Variants in TDP1 observed in about 807,000 individuals in gnomAD.
The protein encoded by TDP1 is tyr-DNA phosphodiesterase 1.
TDP1 carries 64 observed loss-of-function variants against 81.5 expected under a neutral mutation model. That is an observed-to-expected ratio of 0.79 (90% confidence interval 0.64 to 0.97). The LOEUF is 0.97. Among genes scored for constraint, TDP1 ranks in the 50% least tolerant of loss-of-function variants. The pLI, the probability that TDP1 is intolerant of heterozygous loss-of-function variation, is 0.00. For missense variants in TDP1, 723 were observed against 743.8 expected (o/e 0.97, Z 0.33); for synonymous variants, 256 against 264.3 (o/e 0.97, Z 0.30).
chr14:89,958,711 C>T lies in TDP1; in HGVS notation c.-8+1911C>T, dbSNP rs142124782. 1.2e-3 allele frequency among the ~76,000 whole-genome samples: 177 copies of T among 152,268 alleles called. 1 individual carries two copies. The highest frequency in any genetic ancestry group is 3.6e-3 in the African/African-American group (151 of 41,556). ...GGGAAGAGGGGTTATCAATCCGGTC[C>T]GTGGATTTACCCAACACTTGTAGCT... is the stretch of plus-strand genomic sequence containing the variant. On this transcript the variant is annotated intron_variant, in intron 2 of 16. Coordinates refer to ENST00000335725, the MANE Select transcript of TDP1 (RefSeq NM_018319.4).
rs1408349393 is a variant in TDP1, at chr14:89,963,130, G to A, written c.16G>A (p.Asp6Asn). 9.3e-6 allele frequency: 15 copies of A among 1,613,968 alleles called. No individual in the cohort carries two copies. Among genetic ancestry groups the A allele is most frequent in the Middle Eastern group, 1.6e-4 (1 of 6,084 alleles). Residue 6 changes from aspartate to asparagine, a missense_variant, in exon 3 of 17, where the codon GAT becomes AAT. Transcript: ENST00000335725. ...CAGGAGTATAATGTCTCAGGAAGGC[G>A]ATTATGGGAGGTGGACCATATCTAG... The part of the protein sequence containing the change: MSQEG[D>N]YGRWTISSSD...
chr14:89,964,812 A>G (rs1320627501), intron 3 of TDP1: 5 of 423,226 alleles, frequency 1.2e-5, no homozygotes, highest in South Asian at 8.6e-5. Flanking sequence ...TGGTAACATG[A>G]TAGGAGCTCT....
chr14:90,036,828 AAGAT>A (rs1421878063), intron 16 of TDP1, among the ~76,000 whole-genome samples: 2 of 151,308 alleles, frequency 1.3e-5, no homozygotes, highest in Non-Finnish European at 2.9e-5. Context: ...AAAAAAAAAA[AAGAT>A]AGGGTCTCGC....
chr14:89,989,080 C>T lies in TDP1; in HGVS notation c.1307C>T (p.Pro436Leu). Reference protein sequence around the residue: ...ESKTPGKSSVPLYLIYPSVEN... With the variant: ...ESKTPGKSSVLLYLIYPSVEN... ...AAGACTCCAGGAAAAAGCTCTGTTC[C>T]TCTTTACTTGGTGAGTTCTCGTCCT... Residue 436 changes from proline (P) to leucine (L), a missense_variant, in exon 11 of 17, where the codon CCT becomes CTT. By Grantham distance (98) the Pro-to-Leu change is moderately conservative. Transcript: ENST00000335725. 1 of 1,613,860 alleles carries T rather than the reference C, an allele frequency of 6.2e-7. No individual in the cohort carries two copies. Among genetic ancestry groups the T allele is most frequent in the Non-Finnish European group, 8.5e-7 (1 of 1,179,868 alleles).
chr14:89,977,532 A>G (rs1464859881), intron 7 of TDP1, among the ~76,000 whole-genome samples: 3 of 152,180 alleles, frequency 2.0e-5, no homozygotes, highest in South Asian at 2.1e-4. Flanking sequence ...TCCTGACCTC[A>G]GGTGATCCAC....
At chr14:89,985,711 C>CTT (rs1895479839) in intron 10 of TDP1, among the ~76,000 whole-genome samples, 1 of 152,142 alleles carries the variant, frequency 6.6e-6, no homozygotes, top group African/African-American at 2.4e-5. Context: ...TTTTTCATCT[C>CTT]TTTTTAGGTG....
chr14:90,027,145 C>A (rs546120506), intron 15 of TDP1, among the ~76,000 whole-genome samples: 1 of 152,008 alleles, frequency 6.6e-6, no homozygotes, highest in East Asian at 1.9e-4. Flanking sequence ...TTTTAATGAT[C>A]GCCATTCTAA....
intron 7 of TDP1, among the ~76,000 whole-genome samples, chr14:89,978,915 T>C (rs1000208133): frequency 3.3e-5 from 5 of 152,338 alleles, no homozygotes; most frequent in African/African-American, 1.2e-4. Flanking sequence ...TAATTTCTCG[T>C]TTTGGCAAGA....
Position 89,989,025 on chromosome 14 carries a change from G to A in TDP1, c.1252G>A (p.Glu418Lys), listed in dbSNP as rs759300952. 2.7e-5 allele frequency: 43 copies of A among 1,614,136 alleles called. No individual in the cohort carries two copies. In the Middle Eastern group the frequency reaches 8.3e-4, roughly 31 times the overall value. ...ESKWLCSEFK[E>K]SMLTLGKESK... Reference sequence around the variant, plus strand: ...AAAGTGGTTATGTTCTGAGTTTAAAGAGAGCATGCTGACACTGGGGAAGGA... The same window carrying A: ...AAAGTGGTTATGTTCTGAGTTTAAAAAGAGCATGCTGACACTGGGGAAGGA... The change falls in exon 11 of 17, where the codon GAG becomes AAG. Residue 418 changes from glutamate to lysine, a missense_variant. Physicochemically the swap from Glu to Lys is moderately conservative, Grantham distance 56 (BLOSUM62 1). Coordinates refer to ENST00000335725, the MANE Select transcript of TDP1 (RefSeq NM_018319.4).
intron 14 of TDP1, among the ~76,000 whole-genome samples, chr14:90,001,195 T>C (rs1254672612): frequency 6.6e-6 from 1 of 152,218 alleles, no homozygotes; most frequent in Non-Finnish European, 1.5e-5. Flanking sequence ...CTACAGAAGG[T>C]CAGGAATTGG....
At chr14:89,966,386 A>G (rs1191972488) in intron 4 of TDP1, among the ~76,000 whole-genome samples, 196 bp downstream of exon 4, 4 of 152,214 alleles carry the variant, frequency 2.6e-5, no homozygotes, top group African/African-American at 4.8e-5. Flanking sequence ...GGATGTCACT[A>G]TCAGGAGAGC....
intron 8 of TDP1, chr14:89,983,369 G>C (rs1437165283): frequency 1.3e-5 from 3 of 231,850 alleles, no homozygotes; most frequent in Non-Finnish European, 2.6e-5. Flanking sequence ...CCCAGGGTGG[G>C]AAGCAGGGGT....
At chr14:90,041,594 A>AT (rs1888359470) in intron 16 of TDP1, among the ~76,000 whole-genome samples, 1 of 152,216 alleles carries the variant, frequency 6.6e-6, no homozygotes, top group African/African-American at 2.4e-5. Context: ...AGAAAGGGAA[A>AT]GGTTGCCCCA....
At position 89,980,640 on chromosome 14, in the gene TDP1, G is replaced by A. The variant is rs1894868138; in HGVS notation, c.884+8G>A. On this transcript the variant is annotated splice_region_variant and intron_variant, in intron 8 of 16. Transcript: ENST00000335725. ...GCACCAGAAAACTCAAGGGTTCGTAGGGGCCTGCTCACTTCCTGGCAGTGT... is the reference window on the plus strand; with the variant it reads ...GCACCAGAAAACTCAAGGGTTCGTAAGGGCCTGCTCACTTCCTGGCAGTGT... 3 of 1,611,818 alleles carry A rather than the reference G, an allele frequency of 1.9e-6. No individual in the cohort carries two copies. Among genetic ancestry groups the A allele is most frequent in the Non-Finnish European group, 2.5e-6 (3 of 1,177,932 alleles).
At chr14:89,958,392 G>T (rs903283649) in intron 2 of TDP1, 4 of 152,336 alleles carry the variant, frequency 2.6e-5, no homozygotes, top group African/African-American at 9.6e-5. Context: ...GGGGAAAAGG[G>T]CGGAGGTGAG....
At chr14:89,976,031 G>A (rs536818381) in intron 7 of TDP1, among the ~76,000 whole-genome samples, 1 of 152,292 alleles carries the variant, frequency 6.6e-6, no homozygotes, top group African/African-American at 2.4e-5. Context: ...TGAGGCCCAG[G>A]TTTAGGTATG....
intron 15 of TDP1, among the ~76,000 whole-genome samples, chr14:90,020,814 T>TTTTTTTTTTTTTTTG (rs1217480966): frequency 7.0e-6 from 1 of 142,288 alleles, no homozygotes; most frequent in African/African-American, 2.7e-5. Flanking sequence ...TTTTTTTTTT[T>TTTTTTTTTTTTTTTG]AGACAGAGTC....
At chr14:89,978,480 G>T (rs1454958293) in intron 7 of TDP1, among the ~76,000 whole-genome samples, 1 of 152,340 alleles carries the variant, frequency 6.6e-6, no homozygotes, top group South Asian at 2.1e-4. Flanking sequence ...TGCGCATTTG[G>T]GTTGGGTCCC....
rs141370433 is a variant in TDP1, at chr14:89,959,494, C to T, written c.-8+2694C>T. ...TCATAAAGAGGTTGGTAAGCTGCTACATTTAACAACAAGACACAATTTTAT... is the reference window on the plus strand; with the variant it reads ...TCATAAAGAGGTTGGTAAGCTGCTATATTTAACAACAAGACACAATTTTAT... On this transcript the variant is annotated intron_variant, in intron 2 of 16. Coordinates refer to ENST00000335725, the MANE Select transcript of TDP1 (RefSeq NM_018319.4). 4.2e-3 allele frequency among the ~76,000 whole-genome samples: 647 copies of T among 152,290 alleles called. 1 individual carries two copies. Among genetic ancestry groups the T allele is most frequent in the Non-Finnish European group, 5.5e-3 (376 of 68,006 alleles).
Sources: allele counts gnomAD v4.1 joint callset (sites outside exome capture counted in the v4.1 genomes callset), GRCh38; gene constraint gnomAD v4.1.1; transcripts MANE v1.5; gene names NCBI Gene and HGNC (gene_info 2026-07-23, HGNC 2026-07-21).